The following ZMYND11 variants were observed in gnomAD, a reference collection of about 807,000 sequenced individuals.
The protein encoded by ZMYND11 is zinc finger MYND-type containing 11, also known as zinc finger MYND domain-containing protein 11.
A neutral mutation model predicts 84.9 loss-of-function variants in ZMYND11; 9 were observed. The observed-to-expected ratio is 0.11, with a 90% CI of 0.06 to 0.18. The LOEUF (loss-of-function observed/expected upper bound fraction) is 0.18. Among genes scored for constraint, ZMYND11 ranks in the 10% least tolerant of loss-of-function variants. The pLI is 1.00. For synonymous variants in ZMYND11, 250 were observed against 244.1 expected, an observed-to-expected ratio of 1.02 and a Z score of -0.23; for missense variants, 409 against 761.0, an observed-to-expected ratio of 0.54 and a Z score of 5.44.
chr10:241,820 C>A (rs1589226051), intron 9 of ZMYND11, among the ~76,000 whole-genome samples: 1 of 152,036 alleles, frequency 6.6e-6, no homozygotes, highest in Non-Finnish European at 1.5e-5. Context: ...CCGACCTCTT[C>A]TGAGGAATAA....
At chr10:197,084 A>T (rs575925659) in intron 2 of ZMYND11, among the ~76,000 whole-genome samples, 1 of 150,570 alleles carries the variant, frequency 6.6e-6, no homozygotes, top group African/African-American at 2.5e-5. Context: ...GTATCAATAC[A>T]TACGCATGGA....
intron 1 of ZMYND11, among the ~76,000 whole-genome samples, chr10:138,966 G>C (rs768532145): frequency 2.0e-5 from 3 of 151,958 alleles, no homozygotes; most frequent in Non-Finnish European, 4.4e-5. Flanking sequence ...GCTTCAGCCT[G>C]GGATTATAGG....
At chr10:248,037 G>C (rs1554793116) in intron 12 of ZMYND11, among the ~76,000 whole-genome samples, 2 of 151,896 alleles carry the variant, frequency 1.3e-5, no homozygotes, top group Non-Finnish European at 2.9e-5. Context: ...TCTGTGTTTA[G>C]TTTATTTTAA....
chr10:186,642 C>CAAAAAAAAA (rs56345833), intron 2 of ZMYND11, among the ~76,000 whole-genome samples: 7 of 95,150 alleles, frequency 7.4e-5, no homozygotes, highest in African/African-American at 2.4e-4. Context: ...AGGACTCTCT[C>CAAAAAAAAA]AAAAAAAAAA....
In ZMYND11 at chr10:245,963, G is replaced by A. The variant is rs547316412; in HGVS notation, c.951-803G>A. Among the ~76,000 whole-genome samples the A allele has an allele frequency of 1.2e-4, 18 of 152,278 alleles. 1 individual carries two copies. The South Asian group carries it at 3.1e-3, about 26-fold the overall frequency. Reference sequence around the variant, plus strand: ...ATGAGGCAATGAAACTCAAGATCACGTAGACCCCATTCACTTTTCCATTCT... The same window carrying A: ...ATGAGGCAATGAAACTCAAGATCACATAGACCCCATTCACTTTTCCATTCT... On this transcript the variant is annotated intron_variant, in intron 10 of 14. Transcript: ENST00000381604.
At chr10:242,682 AAAGTCATACTTTGTAAGGATTTAAATG>A (rs1265162475) in intron 10 of ZMYND11, among the ~76,000 whole-genome samples, 1 of 152,212 alleles carries the variant, frequency 6.6e-6, no homozygotes, top group Non-Finnish European at 1.5e-5. Flanking sequence ...ACATGATCTA[AAAGTCATACTTTGTAAGGATTTAAATG>A]AACAGTCCAT....
chr10:142,392 G>A (rs782592193), intron 1 of ZMYND11, among the ~76,000 whole-genome samples: 1 of 152,068 alleles, frequency 6.6e-6, no homozygotes, highest in African/African-American at 2.4e-5. Context: ...TGCCCAGCCT[G>A]TTTTTTTAAA....
chr10:147,207 G>C (rs782333725), intron 1 of ZMYND11, among the ~76,000 whole-genome samples: 4 of 152,158 alleles, frequency 2.6e-5, no homozygotes, highest in Non-Finnish European at 5.9e-5. Flanking sequence ...CAGATAGTTT[G>C]ACTTTCTCTT....
intron 4 of ZMYND11, among the ~76,000 whole-genome samples, chr10:221,653 A>C (rs1353193867): frequency 6.6e-6 from 1 of 152,186 alleles, no homozygotes. Context: ...AGAAATACGA[A>C]ACCTACTAAC....
In ZMYND11 at chr10:196,273, C is replaced by T. The variant is rs186894116; in HGVS notation, c.117-13616C>T. Among the ~76,000 whole-genome samples, 909 of 152,186 alleles carry T rather than the reference C, an allele frequency of 6.0e-3. 10 individuals are homozygous for T. Among genetic ancestry groups the T allele is most frequent in the African/African-American group, 0.021 (875 of 41,528 alleles). ...CTTCTAAACATTTCTGGTAATACTACGGAAAATTTTTTCTGCTAAGTATTG... is the reference window on the plus strand; with the variant it reads ...CTTCTAAACATTTCTGGTAATACTATGGAAAATTTTTTCTGCTAAGTATTG... On this transcript the variant is annotated intron_variant, in intron 2 of 14. Coordinates refer to ENST00000381604, the MANE Select transcript of ZMYND11 (RefSeq NM_001370100.5).
chr10:141,927 G>T (rs1837590209), intron 1 of ZMYND11, among the ~76,000 whole-genome samples: 1 of 152,166 alleles, frequency 6.6e-6, no homozygotes, highest in Admixed American at 6.5e-5. Flanking sequence ...CATAACTCGG[G>T]TTAAAAAGGC....
upstream of ZMYND11, chr10:135,454 C>G (rs1835719294): frequency 6.6e-6 from 1 of 151,660 alleles, no homozygotes; most frequent in Non-Finnish European, 1.5e-5. The surrounding 1 kb of genome is among the most constrained non-coding windows in gnomAD (Gnocchi z 5.6). Flanking sequence ...CCCCCGCGCC[C>G]GTCGCCGGCT....
intron 4 of ZMYND11, among the ~76,000 whole-genome samples, chr10:225,406 A>G (rs1947943708): frequency 6.6e-6 from 1 of 152,030 alleles, no homozygotes; most frequent in African/African-American, 2.4e-5. Context: ...GTTGGAGTGC[A>G]GTGGCACAAT....
intron 2 of ZMYND11, among the ~76,000 whole-genome samples, chr10:180,397 A>G (rs756655760): frequency 1.3e-4 from 20 of 152,192 alleles, no homozygotes; most frequent in Non-Finnish European, 2.8e-4. Flanking sequence ...TTTTAACTCT[A>G]TTTATTGATT....
chr10:162,269 A>G (rs899577452), intron 1 of ZMYND11, among the ~76,000 whole-genome samples: 15 of 152,162 alleles, frequency 9.9e-5, no homozygotes, highest in Admixed American at 6.5e-5. Flanking sequence ...ACCCCAAAAT[A>G]ATTAGTAACA....
chr10:250,581 T>A (rs1270020295), intron 14 of ZMYND11, among the ~76,000 whole-genome samples: 1 of 152,180 alleles, frequency 6.6e-6, no homozygotes, highest in Non-Finnish European at 1.5e-5. Context: ...TAATACTGTC[T>A]TTTGTAGCAC....
intron 14 of ZMYND11, chr10:249,598 G>C: frequency 4.1e-6 from 4 of 985,216 alleles, no homozygotes; most frequent in Non-Finnish European, 4.8e-6. Context: ...TACCTGACTA[G>C]TATCATTTGT....
chr10:158,420 T>TTA (rs1479751811), intron 1 of ZMYND11, among the ~76,000 whole-genome samples: 2 of 151,052 alleles, frequency 1.3e-5, no homozygotes, highest in Non-Finnish European at 3.0e-5. Context: ...TCCTTTTTTT[T>TTA]TTTTTTTTTT....
intron 3 of ZMYND11, among the ~76,000 whole-genome samples, chr10:220,879 G>T (rs1018820927): frequency 2.0e-5 from 3 of 152,166 alleles, no homozygotes; most frequent in Non-Finnish European, 4.4e-5. Context: ...GTTTACTAAA[G>T]AAATTATTCC....
Sources: gnomAD v4.1 joint callset for allele counts (sites outside exome capture counted in the v4.1 genomes callset) on GRCh38, gnomAD v4.1.1 for gene constraint, Gnocchi (gnomAD v3.1) non-coding constraint, MANE v1.5 for transcripts, NCBI Gene and HGNC (gene_info 2026-07-23, HGNC 2026-07-21) for gene names.